Variants in EFCAB11 observed in about 807,000 individuals in gnomAD.
EFCAB11 encodes EF-hand calcium-binding domain-containing protein 11.
EFCAB11 carries 14 observed loss-of-function variants against 23.0 expected under a neutral mutation model. The ratio of observed to expected loss-of-function variants is 0.61; its 90% CI spans 0.40 to 0.95. The LOEUF (loss-of-function observed/expected upper bound fraction) is 0.95, where lower values mean the gene tolerates loss of function less well. Among genes scored for constraint, EFCAB11 ranks in the 40% least tolerant of loss-of-function variants. The pLI, the probability that EFCAB11 is intolerant of heterozygous loss-of-function variation, is 0.00. For missense variants in EFCAB11, 198 were observed against 195.8 expected (o/e 1.01, Z -0.07); for synonymous variants, 65 against 66.6 (o/e 0.98, Z 0.11).
At chr14:89,850,167 G>C (rs1395228554) in intron 5 of EFCAB11, among the ~76,000 whole-genome samples, 1 of 152,166 alleles carries the variant, frequency 6.6e-6, no homozygotes, top group Non-Finnish European at 1.5e-5. Flanking sequence ...GTGTCATGTA[G>C]TTTCAATTCT....
In EFCAB11 at chr14:89,868,044, G is replaced by A. The variant is rs145903179; in HGVS notation, c.410+63497C>T. On this transcript the variant is annotated intron_variant, in intron 5 of 5. Coordinates refer to ENST00000316738, the MANE Select transcript of EFCAB11 (RefSeq NM_145231.4). ...AGCGCCATTCATTACATTGTTGGGC[G>A]CCACATTCCAGGTTCCAGATTCAGC... Among the ~76,000 whole-genome samples, 378 of 152,318 alleles carry A rather than the reference G, an allele frequency of 2.5e-3. 1 individual carries two copies. The highest frequency in any genetic ancestry group is 8.8e-3 in the African/African-American group (366 of 41,566).
intron 5 of EFCAB11, among the ~76,000 whole-genome samples, chr14:89,861,675 T>C (rs538338323): frequency 3.9e-5 from 6 of 152,204 alleles, no homozygotes; most frequent in East Asian, 3.9e-4. Context: ...TTGGAGGTAA[T>C]TGGGATTACA....
intron 3 of EFCAB11, among the ~76,000 whole-genome samples, chr14:89,936,783 G>A (rs569637877): frequency 6.6e-6 from 1 of 152,244 alleles, no homozygotes; most frequent in East Asian, 1.9e-4. Context: ...GCTCTGCAAT[G>A]AAAACACATT....
rs147386709 is a variant in EFCAB11, at chr14:89,954,605, T to G, written c.56A>C (p.Glu19Ala). 3.3e-4 allele frequency: 531 copies of G among 1,613,734 alleles called. 1 individual carries two copies. The highest frequency in any genetic ancestry group is 4.3e-4 in the Non-Finnish European group (504 of 1,179,992). ...ACCTACTTCCACCCACTTCCTGTGT[T>G]CCGAGGGACTGGCTTCCCACGTCCG... The part of the protein sequence containing the change: ...RSRTWEASPS[E>A]HRKWVEVFKA... Residue 19 changes from glutamate (E) to alanine (A), a missense_variant, in exon 1 of 6, where the codon GAA (glutamate) becomes GCA (alanine). Coordinates refer to ENST00000316738, the MANE Select transcript of EFCAB11 (RefSeq NM_145231.4).
chr14:89,918,508 C>T (rs76429352), intron 5 of EFCAB11, among the ~76,000 whole-genome samples: 8,022 of 150,104 alleles, frequency 0.053, 471 homozygotes, highest in East Asian at 0.19. Context: ...CACTGCACTC[C>T]AGCCTGGGCA....
chr14:89,899,642 A>C (rs1889282192), intron 5 of EFCAB11, among the ~76,000 whole-genome samples: 1 of 152,250 alleles, frequency 6.6e-6, no homozygotes, highest in African/African-American at 2.4e-5. Flanking sequence ...ATCATTTTAA[A>C]ATAGACTATG....
chr14:89,898,105 T>A (rs1394881811), intron 5 of EFCAB11, among the ~76,000 whole-genome samples: 1 of 152,196 alleles, frequency 6.6e-6, no homozygotes, highest in Non-Finnish European at 1.5e-5. Context: ...TATTCTATAA[T>A]CCATTACAAT....
intron 5 of EFCAB11, among the ~76,000 whole-genome samples, chr14:89,885,623 G>A (rs1267466465): frequency 6.6e-6 from 1 of 151,514 alleles, no homozygotes; most frequent in Admixed American, 6.6e-5. Flanking sequence ...GTTGCAGTGA[G>A]CTGAGATCGC....
intron 5 of EFCAB11, among the ~76,000 whole-genome samples, chr14:89,821,347 A>C (rs542957419): frequency 6.8e-4 from 103 of 152,292 alleles, no homozygotes; most frequent in African/African-American, 2.2e-3. Context: ...CTTCCCTATG[A>C]ACTCTGGACT....
chr14:89,872,010 T>C (rs1241602852), intron 5 of EFCAB11, among the ~76,000 whole-genome samples: 1 of 152,200 alleles, frequency 6.6e-6, no homozygotes, highest in Non-Finnish European at 1.5e-5. Flanking sequence ...TATGGAGAGA[T>C]GGGCCCTGAA....
intron 5 of EFCAB11, among the ~76,000 whole-genome samples, chr14:89,861,344 T>C (rs528269597): frequency 1.3e-5 from 2 of 152,330 alleles, no homozygotes; most frequent in East Asian, 1.9e-4. Flanking sequence ...GTGTTAAGAT[T>C]TGACCTTCCC....
chr14:89,947,701 T>G (rs1003178188), intron 3 of EFCAB11, among the ~76,000 whole-genome samples: 1 of 152,210 alleles, frequency 6.6e-6, no homozygotes, highest in Non-Finnish European at 1.5e-5. Flanking sequence ...ATTTTCCTCT[T>G]GCCCCTCTGT....
intron 5 of EFCAB11, among the ~76,000 whole-genome samples, chr14:89,852,201 A>G (rs927879184): frequency 6.6e-6 from 1 of 152,262 alleles, no homozygotes; most frequent in Non-Finnish European, 1.5e-5. Context: ...TGAGACCTTC[A>G]GAAGATTATG....
intron 5 of EFCAB11, among the ~76,000 whole-genome samples, chr14:89,823,883 A>C (rs750324188): frequency 6.6e-6 from 1 of 152,232 alleles, no homozygotes; most frequent in Non-Finnish European, 1.5e-5. Context: ...GAAATTCTCC[A>C]AACTAAATCT....
intron 5 of EFCAB11, among the ~76,000 whole-genome samples, chr14:89,837,371 C>T (rs1163304106): frequency 1.3e-5 from 2 of 151,992 alleles, no homozygotes; most frequent in Non-Finnish European, 2.9e-5. Context: ...CCTGTAGCCT[C>T]CCTGCTTCCT....
chr14:89,835,336 A>G (rs867822775), intron 5 of EFCAB11, among the ~76,000 whole-genome samples: 1 of 152,202 alleles, frequency 6.6e-6, no homozygotes, highest in African/African-American at 2.4e-5. Flanking sequence ...ATATCTGCAT[A>G]TACGTAATGA....
chr14:89,877,365 A>G (rs1316774706), intron 5 of EFCAB11, among the ~76,000 whole-genome samples: 1 of 152,164 alleles, frequency 6.6e-6, no homozygotes, highest in Non-Finnish European at 1.5e-5. Flanking sequence ...AGTGAAGTCA[A>G]GGTTACATGC....
intron 5 of EFCAB11, among the ~76,000 whole-genome samples, chr14:89,813,801 C>A (rs1886232701): frequency 6.6e-6 from 1 of 152,086 alleles, no homozygotes. Context: ...CCAAGGAAAA[C>A]CATTTCACAC....
At chr14:89,809,490 G>T (rs1250174651) in intron 5 of EFCAB11, among the ~76,000 whole-genome samples, 2 of 152,132 alleles carry the variant, frequency 1.3e-5, no homozygotes, top group Non-Finnish European at 2.9e-5. Context: ...CACTAAAAAA[G>T]ATCACGCTCA....
Sources: allele counts gnomAD v4.1 joint callset (sites outside exome capture counted in the v4.1 genomes callset), GRCh38; gene constraint gnomAD v4.1.1; transcripts MANE v1.5; gene names NCBI Gene and HGNC (gene_info 2026-07-23, HGNC 2026-07-21).